NAA35: variants seen among roughly 807,000 people sequenced by gnomAD.
The protein encoded by NAA35 is MAK10 homolog, amino-acid N-acetyltransferase subunit.
In NAA35, 18 loss-of-function variants were observed where a neutral mutation model predicts 101.7. The observed-to-expected ratio is 0.18, with a 90% CI of 0.12 to 0.26. The LOEUF is 0.26. Ranked by LOEUF, NAA35 falls within the 10% of genes least tolerant of loss-of-function variation. NAA35 has a pLI of 1.00. For synonymous variants in NAA35, 267 were observed against 273.1 expected, an observed-to-expected ratio of 0.98 and a Z score of 0.22; for missense variants, 601 against 886.8, an observed-to-expected ratio of 0.68 and a Z score of 4.09.
chr9:86,013,761 CA>C lies in NAA35; in HGVS notation c.1433del (p.Gln478ArgfsTer11). On this transcript the variant is annotated frameshift_variant, in exon 17 of 23. Transcript: ENST00000361671. LOFTEE classifies it high-confidence loss of function. ...AGCGCTTCACACCATGCTGTTGAAA[CA>C]GGAACCCCAAAGGCAACATTTGGCC... ...DAALHTMLLK[Q>X]EPQRQHLACL... 1 of 1,614,152 alleles carries C rather than the reference CA, an allele frequency of 6.2e-7. No individual in the cohort carries two copies. The highest frequency in any genetic ancestry group is 2.2e-5 in the East Asian group (1 of 44,876).
chr9:85,978,373 CA>C lies in NAA35; in HGVS notation c.873del (p.Gly292GlufsTer6). ...HHGIQAQNDT[T>X]KGDHPIMMGF... The stretch of plus-strand genomic sequence containing the variant: ...GGCATCCAGGCCCAGAATGATACTA[CA>C]AAAGGAGGTAATTGTTCAATTTGCT... On this transcript the variant is annotated frameshift_variant, in exon 11 of 23. Coordinates refer to ENST00000361671, the MANE Select transcript of NAA35 (RefSeq NM_024635.4). LOFTEE classifies it high-confidence loss of function. 6.3e-7 allele frequency: 1 copy of C among 1,590,788 alleles called. No homozygotes were observed. The highest frequency in any genetic ancestry group is 8.6e-7 in the Non-Finnish European group (1 of 1,159,026).
intron 11 of NAA35, among the ~76,000 whole-genome samples, chr9:85,992,373 GAC>G (rs1432863299): frequency 6.6e-6 from 1 of 151,996 alleles, no homozygotes; most frequent in Non-Finnish European, 1.5e-5. Context: ...AAATGAAATG[GAC>G]AGTTTGATGA....
At chr9:86,017,597 T>G (rs1418197552) in intron 19 of NAA35, 32 bp downstream of exon 19, 2 of 1,562,466 alleles carry the variant, frequency 1.3e-6, no homozygotes. Context: ...TCTTTTTGCC[T>G]TTTAGCTATA....
chr9:86,017,519 T>G lies in NAA35; in HGVS notation c.1727T>G (p.Ile576Ser). 1 of 1,613,848 alleles carries G rather than the reference T, an allele frequency of 6.2e-7. No homozygotes were observed. Among genetic ancestry groups the G allele is most frequent in the Non-Finnish European group, 8.5e-7 (1 of 1,179,836 alleles). Residue 576 changes from isoleucine (I) to serine (S), a missense_variant, in exon 19 of 23, where the codon ATC (isoleucine) becomes AGC (serine). Around this residue, in one of 8 missense-constraint regions of NAA35, gnomAD observed 99 missense variants for 206.7 expected, o/e 0.48. Coordinates refer to ENST00000361671, the MANE Select transcript of NAA35 (RefSeq NM_024635.4). The stretch of plus-strand genomic sequence containing the variant: ...ACAGTTCGCCCATTGAGCCGAGAGA[T>G]CACAATGAGCCAAGCATATCAGAAC... ...KKKVRPLSRE[I>S]TMSQAYQNMC... is the part of the protein sequence containing the mutation.
At chr9:85,969,859 T>TA (rs76512245) in intron 6 of NAA35, among the ~76,000 whole-genome samples, 2,798 of 134,824 alleles carry the variant, frequency 0.021, 81 homozygotes, top group African/African-American at 0.066. Context: ...CTCTGTCTCT[T>TA]AAAAAAAAAA....
intron 17 of NAA35, among the ~76,000 whole-genome samples, 189 bp from the exon 18 acceptor site, chr9:86,016,350 A>G (rs1264958735): frequency 1.3e-5 from 2 of 152,210 alleles, no homozygotes; most frequent in Non-Finnish European, 2.9e-5. Flanking sequence ...TCTTCTGGAA[A>G]GTTGTAAAAT....
intron 8 of NAA35, among the ~76,000 whole-genome samples, chr9:85,975,964 A>AT (rs35083110): frequency 6.7e-4 from 100 of 149,218 alleles, no homozygotes; most frequent in South Asian, 4.5e-3. Flanking sequence ...ATATTTCTAC[A>AT]TTTTTTTTTT....
intron 21 of NAA35, among the ~76,000 whole-genome samples, chr9:86,019,126 C>A (rs1832391746): frequency 6.6e-6 from 1 of 152,142 alleles, no homozygotes; most frequent in Non-Finnish European, 1.5e-5. Context: ...ATTCATAGCT[C>A]AAAATGTAAG....
Position 85,974,987 on chromosome 9 carries a change from T to G in NAA35, c.537T>G (p.Thr179=), listed in dbSNP as rs1164128362. The G allele has an allele frequency of 6.2e-6, 10 of 1,612,518 alleles. No individual in the cohort carries two copies. Among genetic ancestry groups the G allele is most frequent in the Admixed American group, 1.7e-5 (1 of 59,964 alleles). Residue 179 remains threonine (T), a synonymous_variant, in exon 7 of 23, where the codon ACT becomes ACG. Transcript: ENST00000361671. ...VFEEEDFQSM[T]YGFKMANSVT... is the part of the protein sequence containing the mutation. Reference sequence around the variant, plus strand: ...TATAGGAAGATTTTCAGTCAATGACTTATGGATTTAAAATGGCTAACAGTG... The same window carrying G: ...TATAGGAAGATTTTCAGTCAATGACGTATGGATTTAAAATGGCTAACAGTG...
chr9:86,008,356 C>T (rs575248133), intron 14 of NAA35, among the ~76,000 whole-genome samples: 29 of 152,288 alleles, frequency 1.9e-4, no homozygotes, highest in Admixed American at 3.3e-4. Context: ...GCCACTGCAC[C>T]GGCCTAATAT....
At chr9:85,973,367 G>A (rs1374948580) in intron 6 of NAA35, among the ~76,000 whole-genome samples, 1 of 152,188 alleles carries the variant, frequency 6.6e-6, no homozygotes, top group African/African-American at 2.4e-5. Flanking sequence ...CCTTCTGGTG[G>A]TATATAAATT....
intron 22 of NAA35, 91 bp downstream of exon 22, chr9:86,021,060 T>C (rs1016969179): frequency 1.6e-5 from 15 of 912,384 alleles, no homozygotes; most frequent in Non-Finnish European, 2.4e-5. Context: ...ACAGGAAAAA[T>C]TAAACCACTG....
rs1232660567 is a variant in NAA35, at chr9:86,024,027, C to A, written c.*2067C>A. The stretch of plus-strand genomic sequence containing the variant: ...GTTTCTAATTATAAAAACAAATTTG[C>A]CATTTTATAATTTTTAAAGTAATCT... On this transcript the variant is annotated 3_prime_UTR_variant, in exon 23 of 23. Transcript: ENST00000361671. 1.3e-5 allele frequency among the ~76,000 whole-genome samples: 2 copies of A among 151,994 alleles called. No individual in the cohort carries two copies. The highest frequency in any genetic ancestry group is 4.8e-5 in the African/African-American group (2 of 41,376).
chr9:86,019,288 A>G (rs1940115472), intron 21 of NAA35, among the ~76,000 whole-genome samples: 1 of 151,920 alleles, frequency 6.6e-6, no homozygotes, highest in African/African-American at 2.4e-5. Flanking sequence ...GTGAAATCCC[A>G]TTTGTACTAA....
chr9:85,948,366 C>G (rs1828856144), intron 2 of NAA35, among the ~76,000 whole-genome samples: 1 of 152,156 alleles, frequency 6.6e-6, no homozygotes, highest in African/African-American at 2.4e-5. Context: ...GTCTAAATCT[C>G]CTTAAGACAT....
At chr9:85,966,113 A>AT (rs1439525365) in intron 6 of NAA35, among the ~76,000 whole-genome samples, 2 of 151,656 alleles carry the variant, frequency 1.3e-5, no homozygotes, top group African/African-American at 2.4e-5. Context: ...CTAATTTTTA[A>AT]TTTTTTTTGT....
chr9:85,990,939 C>G (rs1174396630), intron 11 of NAA35, among the ~76,000 whole-genome samples: 1 of 152,062 alleles, frequency 6.6e-6, no homozygotes, highest in Non-Finnish European at 1.5e-5. Context: ...AAGAGATAAA[C>G]CTAGAGCAGG....
intron 6 of NAA35, among the ~76,000 whole-genome samples, chr9:85,963,802 A>T (rs1829627026): frequency 6.6e-6 from 1 of 152,218 alleles, no homozygotes. Context: ...CTTGAACAAC[A>T]GTGTGTGAAC....
chr9:85,969,583 A>G (rs1299275408), intron 6 of NAA35, among the ~76,000 whole-genome samples: 2 of 152,160 alleles, frequency 1.3e-5, no homozygotes, highest in Non-Finnish European at 2.9e-5. Flanking sequence ...TAAATCTATC[A>G]TTTCTTAGCA....
Sources: gnomAD v4.1 joint callset for allele counts (sites outside exome capture counted in the v4.1 genomes callset) on GRCh38, gnomAD v4.1.1 for gene constraint, gnomAD v4.1.1 regional missense constraint, MANE v1.5 for transcripts, NCBI Gene and HGNC (gene_info 2026-07-23, HGNC 2026-07-21) for gene names.